GHRH: variants seen among roughly 807,000 people sequenced by gnomAD.
GHRH encodes the protein somatoliberin.
In GHRH, 7 loss-of-function variants were observed where a neutral mutation model predicts 15.6. That is an observed-to-expected ratio of 0.45 (90% confidence interval 0.26 to 0.84). The LOEUF (loss-of-function observed/expected upper bound fraction) is 0.84. Ranked by LOEUF, GHRH falls within the 40% of genes least tolerant of loss-of-function variation. The pLI is 0.18. For synonymous variants in GHRH, 54 were observed against 50.4 expected, an observed-to-expected ratio of 1.07 and a Z score of -0.30; for missense variants, 117 against 138.0, an observed-to-expected ratio of 0.85 and a Z score of 0.76.
chr20:37,251,964 G>A (rs944829303), intron 4 of GHRH, among the ~76,000 whole-genome samples: 13 of 152,196 alleles, frequency 8.5e-5, no homozygotes, highest in African/African-American at 1.7e-4. Context: ...TTCAATCTCC[G>A]TGAAGCCTCT....
intron 4 of GHRH, 80 bp downstream of exon 4, chr20:37,254,130 G>A (rs2068640334): frequency 2.0e-6 from 3 of 1,477,432 alleles, no homozygotes; most frequent in Middle Eastern, 2.2e-4. Context: ...AGAGAGGAGT[G>A]GATTTTTTCC....
intron 3 of GHRH, among the ~76,000 whole-genome samples, chr20:37,254,715 T>C (rs2068645542): frequency 1.3e-5 from 2 of 152,212 alleles, no homozygotes; most frequent in Non-Finnish European, 2.9e-5. Flanking sequence ...ATGCATCACC[T>C]GATTCCTCTA....
rs919354320 is a variant in GHRH at position 37,258,763 on chromosome 20, C to T, written c.-19-1855G>A. Among the ~76,000 whole-genome samples, 7 of 152,014 alleles carry T rather than the reference C, an allele frequency of 4.6e-5. No individual in the cohort carries two copies. The highest frequency in any genetic ancestry group is 2.1e-4 in the South Asian group (1 of 4,810). ...GTTCTTTATTTATTTATTTTGAGAG[C>T]GGGTCTCACTCTGTGGCCCAGGCTG... is the stretch of plus-strand genomic sequence containing the variant. On this transcript the variant is annotated intron_variant, in intron 1 of 4. Transcript: ENST00000373614. The surrounding 1 kb of genome is among the most constrained non-coding windows in gnomAD (Gnocchi z 4.1).
rs1199898901 is a variant in GHRH at position 37,256,833 on chromosome 20, G to A, written c.57C>T (p.Cys19=). The stretch of plus-strand genomic sequence containing the variant: ...TGAGGGTCAAAGGGGGAGGTGGGGA[G>A]CAGTGGGAGCTGTTGCTGAGGGTGA... ...VILTLSNSSH[C]SPPPPLTLRM... is the part of the protein sequence containing the mutation. The change falls in exon 2 of 5, where the codon TGC becomes TGT. Residue 19 remains cysteine, a synonymous_variant. Coordinates refer to ENST00000373614, the MANE Select transcript of GHRH (RefSeq NM_021081.6). 6.2e-7 allele frequency: 1 copy of A among 1,612,962 alleles called. No individual in the cohort carries two copies. Among genetic ancestry groups the A allele is most frequent in the African/African-American group, 1.3e-5 (1 of 74,920 alleles).
rs139149081 is a variant in GHRH at position 37,254,736 on chromosome 20, G to A, written c.189-407C>T. On this transcript the variant is annotated intron_variant, in intron 3 of 4. Coordinates refer to ENST00000373614, the MANE Select transcript of GHRH (RefSeq NM_021081.6). Reference sequence around the variant, plus strand: ...CACCTGATTCCTCTAATCATCATTAGAGGAACGCATCCTCTAATCATGGGG... The same window carrying A: ...CACCTGATTCCTCTAATCATCATTAAAGGAACGCATCCTCTAATCATGGGG... Among the ~76,000 whole-genome samples the A allele has an allele frequency of 6.6e-5, 10 of 152,270 alleles. No individual in the cohort carries two copies. The East Asian group carries it at 1.9e-3, about 29-fold the overall frequency.
chr20:37,256,381 A>AACTCCTGCTT lies in GHRH; in HGVS notation c.188+3_188+12dup, dbSNP rs1205187841. The AACTCCTGCTT allele has an allele frequency of 1.3e-6, 2 of 1,574,362 alleles. No homozygotes were observed. Among genetic ancestry groups the AACTCCTGCTT allele is most frequent in the Non-Finnish European group, 1.7e-6 (2 of 1,147,774 alleles). On this transcript the variant is annotated intron_variant, in intron 3 of 4. Coordinates refer to ENST00000373614, the MANE Select transcript of GHRH (RefSeq NM_021081.6). ...GCAGGGTGTGGGAAGAAATCACTAG[A>AACTCCTGCTT]ACTCCTGCTTACCCCTGCTGCCTGC...
intron 3 of GHRH, among the ~76,000 whole-genome samples, chr20:37,255,893 G>A (rs535110648): frequency 1.3e-5 from 2 of 152,110 alleles, no homozygotes; most frequent in Admixed American, 6.6e-5. Context: ...AGTTGTGGTG[G>A]TGCACACTGG....
rs905100047 is a variant in GHRH at position 37,258,821 on chromosome 20, C to T, written c.-19-1913G>A. On this transcript the variant is annotated intron_variant, in intron 1 of 4. Coordinates refer to ENST00000373614, the MANE Select transcript of GHRH (RefSeq NM_021081.6). The surrounding 1 kb of genome is among the most constrained non-coding windows in gnomAD (Gnocchi z 4.1). The stretch of plus-strand genomic sequence containing the variant: ...GTGGTGCAATCATAGCTCACTACAG[C>T]CTCAAACTCCTGGGCTCAAGCAATC... Among the ~76,000 whole-genome samples, 2 of 152,154 alleles carry T rather than the reference C, an allele frequency of 1.3e-5. No individual in the cohort carries two copies. The highest frequency in any genetic ancestry group is 4.8e-5 in the African/African-American group (2 of 41,438).
chr20:37,261,441 C>T (rs994494555), intron 1 of GHRH, among the ~76,000 whole-genome samples: 1 of 152,186 alleles, frequency 6.6e-6, no homozygotes, highest in African/African-American at 2.4e-5. Context: ...CTCACGTTTG[C>T]CCCCGAAGCC....
At chr20:37,257,050 A>C (rs2068661430) in intron 1 of GHRH, 142 bp from the exon 2 acceptor site, 2 of 633,568 alleles carry the variant, frequency 3.2e-6, no homozygotes, top group Non-Finnish European at 5.6e-6. Flanking sequence ...GAACCCAGAC[A>C]CTGGAAGTCA....
At position 37,254,218 on chromosome 20, in the gene GHRH, C is replaced by T; in HGVS notation, c.300G>A (p.Gln100=). Reference sequence around the variant, plus strand: ...TGCACACACACCCATACCTGTGCTTCTGCAGCAGGGCCACCAGGATGCTCT... The same window carrying T: ...TGCACACACACCCATACCTGTGCTTTTGCAGCAGGGCCACCAGGATGCTCT... ...ELESILVALL[Q]KHSRNSQG The change falls in exon 4 of 5, where the codon CAG becomes CAA. Residue 100 remains glutamine, a synonymous_variant. Coordinates refer to ENST00000373614, the MANE Select transcript of GHRH (RefSeq NM_021081.6). The T allele has an allele frequency of 6.2e-7, 1 of 1,614,158 alleles. No individual in the cohort carries two copies. Among genetic ancestry groups the T allele is most frequent in the South Asian group, 1.1e-5 (1 of 91,082 alleles).
chr20:37,260,176 C>T (rs550025254), intron 1 of GHRH, among the ~76,000 whole-genome samples: 2 of 152,160 alleles, frequency 1.3e-5, no homozygotes, highest in East Asian at 3.9e-4. Flanking sequence ...ACAAGTTAAC[C>T]AAGAGGCTCA....
intron 3 of GHRH, 83 bp from the exon 4 acceptor site, chr20:37,254,412 A>C (rs570072473): frequency 1.1e-4 from 162 of 1,416,112 alleles, no homozygotes; most frequent in Middle Eastern, 1.1e-3. Context: ...CTATTTCAAT[A>C]TCTGGTGTGG....
chr20:37,253,625 G>A lies in GHRH; in HGVS notation c.308+585C>T, dbSNP rs188550388. Among the ~76,000 whole-genome samples, 232 of 152,278 alleles carry A rather than the reference G, an allele frequency of 1.5e-3. 2 individuals are homozygous for A. In the Middle Eastern group the frequency reaches 0.02, roughly 13 times the overall value. On this transcript the variant is annotated intron_variant, in intron 4 of 4. Transcript: ENST00000373614. ...ATTGATTGATTGATTGACTGATTGA[G>A]ACGGGATCTCACTATATTGGGCAAG... is the stretch of plus-strand genomic sequence containing the variant.
At chr20:37,259,535 C>T (rs997683787) in intron 1 of GHRH, among the ~76,000 whole-genome samples, 5 of 152,152 alleles carry the variant, frequency 3.3e-5, no homozygotes, top group African/African-American at 1.2e-4. Flanking sequence ...CAATCACCTC[C>T]CTCCCCTGCT....
At chr20:37,256,532 G>T in intron 2 of GHRH, 34 bp from the exon 3 acceptor site, 1 of 1,381,348 alleles carries the variant, frequency 7.2e-7, no homozygotes, top group Non-Finnish European at 1.0e-6. Flanking sequence ...AGAGGGCGGG[G>T]TGGAGGCCAG....
At chr20:37,257,798 C>A (rs544258245) in intron 1 of GHRH, among the ~76,000 whole-genome samples, 1 of 152,218 alleles carries the variant, frequency 6.6e-6, no homozygotes, top group Non-Finnish European at 1.5e-5. Flanking sequence ...CCTCCTACTT[C>A]GGCTCCTGGA....
intron 3 of GHRH, among the ~76,000 whole-genome samples, chr20:37,254,633 A>G (rs1039771921): frequency 2.0e-5 from 3 of 152,210 alleles, no homozygotes; most frequent in Admixed American, 1.3e-4. Context: ...TAATCCACCA[A>G]TAATGGCACA....
chr20:37,260,557 C>T (rs909827907), intron 1 of GHRH, among the ~76,000 whole-genome samples: 2 of 152,082 alleles, frequency 1.3e-5, no homozygotes, highest in South Asian at 4.1e-4. Flanking sequence ...TGCACAGTAG[C>T]CTAAATGTCA....
Sources: allele counts gnomAD v4.1 joint callset (sites outside exome capture counted in the v4.1 genomes callset), GRCh38; gene constraint gnomAD v4.1.1; non-coding constraint Gnocchi (gnomAD v3.1); transcripts MANE v1.5; gene names NCBI Gene and HGNC (gene_info 2026-07-23, HGNC 2026-07-21).